The following POC1B variants were observed in gnomAD, a reference collection of about 807,000 sequenced individuals.
POC1B encodes POC1 centriolar protein homolog B.
A neutral mutation model predicts 60.6 loss-of-function variants in POC1B; 44 were observed. The observed-to-expected ratio is 0.73, with a 90% CI of 0.57 to 0.93. The LOEUF (loss-of-function observed/expected upper bound fraction) is 0.93. POC1B is among the 40% of genes least tolerant of loss of function. The pLI is 0.00. For missense variants in POC1B, 555 were observed against 572.3 expected (o/e 0.97, Z 0.31); for synonymous variants, 180 against 198.9 (o/e 0.90, Z 0.80).
chr12:89,520,365 T>C (rs7306772), intron 2 of POC1B: 1 of 151,784 alleles, frequency 6.6e-6, no homozygotes, highest in Non-Finnish European at 1.5e-5. Flanking sequence ...ATATAACAGG[T>C]GGCTAACAAG....
downstream of POC1B, among the ~76,000 whole-genome samples, chr12:89,415,877 C>T (rs538291899): frequency 4.0e-5 from 6 of 151,708 alleles, no homozygotes; most frequent in Non-Finnish European, 8.8e-5. Context: ...AGACTGTCTA[C>T]GTAACTGCTG....
chr12:89,501,879 GA>G, intron 2 of POC1B: 1 of 1,208,434 alleles, frequency 8.3e-7, no homozygotes, highest in Non-Finnish European at 1.2e-6. Flanking sequence ...AAAGAGTACA[GA>G]AGTTTTTAAA....
chr12:89,492,512 C>T (rs1869036985), intron 3 of POC1B, among the ~76,000 whole-genome samples: 1 of 152,250 alleles, frequency 6.6e-6, no homozygotes, highest in Non-Finnish European at 1.5e-5. Context: ...GTATCTAGGA[C>T]TCAGCAATTT....
At chr12:89,461,387 A>T (rs138893278) in intron 9 of POC1B, 1 of 152,340 alleles carries the variant, frequency 6.6e-6, no homozygotes, top group African/African-American at 2.4e-5. Context: ...ATACTTTCAC[A>T]CAGGGTTAGA....
In POC1B at chr12:89,492,007, T is replaced by G; in HGVS notation, c.381A>C (p.Lys127Asn). 2 of 1,609,154 alleles carry G rather than the reference T, an allele frequency of 1.2e-6. No homozygotes were observed. The highest frequency in any genetic ancestry group is 1.7e-6 in the Non-Finnish European group (2 of 1,178,358). Residue 127 changes from lysine (K) to asparagine (N), a missense_variant, in exon 4 of 12, where the codon AAA becomes AAC. Lys to Asn is a moderately conservative substitution (Grantham distance 94). Coordinates refer to ENST00000313546, the MANE Select transcript of POC1B (RefSeq NM_172240.3). ...AGCGCTGGCGATACATGCTCCATAC[T>G]TTTATGGATTTGTCTTCAGAAGCTG... ...LATASEDKSI[K>N]VWSMYRQRFL...
chr12:89,514,309 T>C (rs1467542742), intron 2 of POC1B, among the ~76,000 whole-genome samples: 1 of 150,558 alleles, frequency 6.6e-6, no homozygotes, highest in East Asian at 2.0e-4. Context: ...TTAAGTTTCC[T>C]GAGGCCTCCC....
chr12:89,440,826 C>T (rs1881480790), intron 10 of POC1B, among the ~76,000 whole-genome samples: 1 of 152,242 alleles, frequency 6.6e-6, no homozygotes, highest in Non-Finnish European at 1.5e-5. Flanking sequence ...GGGGCATCGC[C>T]TCACCCAGGC....
rs1868798256 is a variant in POC1B, at chr12:89,489,005, T to TCC, written c.452+2930_452+2931insGG. 2.0e-5 allele frequency among the ~76,000 whole-genome samples: 3 copies of TCC among 152,242 alleles called. No homozygotes were observed. In the South Asian group the frequency reaches 6.2e-4, roughly 32 times the overall value. On this transcript the variant is annotated intron_variant, in intron 4 of 11. Coordinates refer to ENST00000313546, the MANE Select transcript of POC1B (RefSeq NM_172240.3). ...TGAACCTCTGCTCTCTGCCTCCTCTTCTTATTTACAGCATCACTTTATACA... is the reference window on the plus strand; with the variant it reads ...TGAACCTCTGCTCTCTGCCTCCTCTTCCCTTATTTACAGCATCACTTTATACA...
At chr12:89,511,069 T>C (rs910167002) in intron 2 of POC1B, among the ~76,000 whole-genome samples, 1 of 152,126 alleles carries the variant, frequency 6.6e-6, no homozygotes, top group African/African-American at 2.4e-5. Context: ...GTACATATTT[T>C]AGATAACTTT....
Position 89,511,923 on chromosome 12 carries a change from G to A in POC1B, c.100+13197C>T, listed in dbSNP as rs539611219. On this transcript the variant is annotated intron_variant, in intron 2 of 11. Transcript: ENST00000313546. Reference sequence around the variant, plus strand: ...ACAAAAATGAGCCAGGCGTGGTGGCGTGCACCTATAGTACTAGCTACTTGG... The same window carrying A: ...ACAAAAATGAGCCAGGCGTGGTGGCATGCACCTATAGTACTAGCTACTTGG... 2.2e-4 allele frequency among the ~76,000 whole-genome samples: 33 copies of A among 151,982 alleles called. No homozygotes were observed. In the East Asian group the frequency reaches 3.9e-3, roughly 18 times the overall value.
rs187769361 is a variant in POC1B at position 89,455,592 on chromosome 12, G to A, written c.1113+4046C>T. Reference sequence around the variant, plus strand: ...CTTGGTATCTCCCTCAGCATCTCATGTAATGCCTTCATGTAGGACATCTTC... The same window carrying A: ...CTTGGTATCTCCCTCAGCATCTCATATAATGCCTTCATGTAGGACATCTTC... On this transcript the variant is annotated intron_variant, in intron 10 of 11. Coordinates refer to ENST00000313546, the MANE Select transcript of POC1B (RefSeq NM_172240.3). Among the ~76,000 whole-genome samples the A allele has an allele frequency of 5.3e-5, 8 of 152,332 alleles. No homozygotes were observed. In the East Asian group the frequency reaches 1.3e-3, roughly 26 times the overall value.
chr12:89,498,797 T>C (rs764978186), intron 2 of POC1B, among the ~76,000 whole-genome samples: 27 of 152,110 alleles, frequency 1.8e-4, no homozygotes, highest in Non-Finnish European at 3.5e-4. Context: ...AGGACACTAT[T>C]TGAGTTCTGT....
chr12:89,519,149 T>A (rs774790265), intron 2 of POC1B, among the ~76,000 whole-genome samples: 19 of 152,196 alleles, frequency 1.2e-4, no homozygotes, highest in Non-Finnish European at 2.4e-4. Flanking sequence ...CTTCCTTTTA[T>A]AGTGGTCCAA....
In POC1B at chr12:89,467,622, T is replaced by C; in HGVS notation, c.874A>G (p.Thr292Ala). Residue 292 changes from threonine to alanine, a missense_variant, in exon 8 of 12, where the codon ACA becomes GCA. Thr to Ala is a moderately conservative substitution (Grantham distance 58). Transcript: ENST00000313546. ...GAGCTGAAAGATTTACAAACCTGTGTGTCTGCACCTCCTGATGCAAATAGC... is the reference window on the plus strand; with the variant it reads ...GAGCTGAAAGATTTACAAACCTGTGCGTCTGCACCTCCTGATGCAAATAGC... The part of the protein sequence containing the change: ...GELFASGGAD[T>A]QVLLWRTNFD... The C allele has an allele frequency of 1.2e-6, 2 of 1,610,070 alleles. No homozygotes were observed. Among genetic ancestry groups the C allele is most frequent in the Non-Finnish European group, 1.7e-6 (2 of 1,176,922 alleles).
intron 9 of POC1B, among the ~76,000 whole-genome samples, chr12:89,464,061 A>C (rs1009310611): frequency 2.0e-5 from 3 of 152,222 alleles, no homozygotes; most frequent in African/African-American, 7.2e-5. Flanking sequence ...GGTCACTGCA[A>C]ACAGAGAAAG....
the POC1B span, among the ~76,000 whole-genome samples, chr12:89,410,108 C>T: frequency 2.0e-5 from 3 of 152,192 alleles, no homozygotes; most frequent in Admixed American, 6.5e-5. Flanking sequence ...CTATCTACTA[C>T]GATCAGGTCT....
At chr12:89,486,515 CAG>C (rs1369509328) in intron 4 of POC1B, among the ~76,000 whole-genome samples, 1 of 152,112 alleles carries the variant, frequency 6.6e-6, no homozygotes, top group Non-Finnish European at 1.5e-5. Context: ...AGAAGAAAGA[CAG>C]AAAGTGACAA....
At chr12:89,408,831 T>C in the POC1B span, among the ~76,000 whole-genome samples, 1 of 152,200 alleles carries the variant, frequency 6.6e-6, no homozygotes, top group East Asian at 1.9e-4. Flanking sequence ...TGGTGTGAGA[T>C]GGTATCTTAT....
chr12:89,514,699 C>A (rs769535417), intron 2 of POC1B, among the ~76,000 whole-genome samples: 1 of 152,082 alleles, frequency 6.6e-6, no homozygotes, highest in Non-Finnish European at 1.5e-5. Context: ...TAAGCCACTG[C>A]GCCCGGCCTC....
Sources: gnomAD v4.1 joint callset for allele counts (sites outside exome capture counted in the v4.1 genomes callset) on GRCh38, gnomAD v4.1.1 for gene constraint, MANE v1.5 for transcripts, NCBI Gene and HGNC (gene_info 2026-07-23, HGNC 2026-07-21) for gene names.